The following VARS2 variants were observed in gnomAD, a reference collection of about 807,000 sequenced individuals.
The protein encoded by VARS2 is valyl-tRNA synthetase 2, mitochondrial.
A neutral mutation model predicts 154.1 loss-of-function variants in VARS2; 105 were observed. That is an observed-to-expected ratio of 0.68 (90% CI 0.58 to 0.80). VARS2 has a LOEUF of 0.80. Ranked by LOEUF, VARS2 falls within the 30% of genes least tolerant of loss-of-function variation. The probability of loss-of-function intolerance (pLI) is 0.00; values close to 1 mark genes in which losing one functional copy is unlikely to be tolerated. For synonymous variants in VARS2, 483 were observed against 539.5 expected (o/e 0.90, Z 1.45); for missense variants, 1,157 against 1,361.4 (o/e 0.85, Z 2.36).
rs373131532 is a variant in VARS2, at chr6:30,916,854, T to C, written c.672-24T>C. On this transcript the variant is annotated intron_variant, in intron 7 of 29. Transcript: ENST00000676266. This position sits in a 1 kb window ranked among gnomAD's most constrained non-coding sequence, Gnocchi z 4.0. ...TAGGAAGTGCTTGGGAAGTGTTTGCTGACAAGGATCTCTCTGGGCACAGGA... is the reference window on the plus strand; with the variant it reads ...TAGGAAGTGCTTGGGAAGTGTTTGCCGACAAGGATCTCTCTGGGCACAGGA... The C allele has an allele frequency of 3.7e-5, 59 of 1,613,666 alleles. No individual in the cohort carries two copies. The highest frequency in any genetic ancestry group is 4.6e-5 in the Non-Finnish European group (54 of 1,179,702).
At chr6:30,918,631 C>A in intron 10 of VARS2, 196 bp from the exon 11 acceptor site, 2 of 708,330 alleles carry the variant, frequency 2.8e-6, no homozygotes, top group Non-Finnish European at 4.6e-6. Flanking sequence ...CCTCTCAGAC[C>A]TCTGGTCATC....
chr6:30,919,947 T>C lies in VARS2; in HGVS notation c.1165+99T>C. On this transcript the variant is annotated intron_variant, in intron 12 of 29. Coordinates refer to ENST00000676266, the MANE Select transcript of VARS2 (RefSeq NM_020442.6). The surrounding 1 kb of genome is among the most constrained non-coding windows in gnomAD (Gnocchi z 4.5). Reference sequence around the variant, plus strand: ...AAGGTGGGAGTGGGAGATCCTCATATAGGGTGGTCTGAGTGGGGAATGGGA... The same window carrying C: ...AAGGTGGGAGTGGGAGATCCTCATACAGGGTGGTCTGAGTGGGGAATGGGA... 6 of 1,470,738 alleles carry C rather than the reference T, an allele frequency of 4.1e-6. No individual in the cohort carries two copies. Among genetic ancestry groups the C allele is most frequent in the Non-Finnish European group, 4.6e-6 (5 of 1,098,084 alleles). The allele number at this position is 1,470,738 out of a possible 1,614,324, so 91.1% of individuals were successfully genotyped here. A position where few individuals can be genotyped will look rare whatever the true frequency, so the allele number is the denominator to read the frequency against.
chr6:30,915,953 G>A (rs1794136010), intron 5 of VARS2, 28 bp from the exon 6 acceptor site: 1 of 1,613,990 alleles, frequency 6.2e-7, no homozygotes, highest in Non-Finnish European at 8.5e-7. Flanking sequence ...TAAGCTCAGG[G>A]GCTCACAGGA....
At position 30,920,221 on chromosome 6, in the gene VARS2, TACC is replaced by T; in HGVS notation, c.1293+9_1293+11del. Reference sequence around the variant, plus strand: ...CTCTGCGGGGACTGGCTGCAGGTGGTACCACCCTATGTTACCCCATCCTTTGGG... The same window carrying T: ...CTCTGCGGGGACTGGCTGCAGGTGGTACCCTATGTTACCCCATCCTTTGGG... On this transcript the variant is annotated splice_donor_region_variant and intron_variant, in intron 13 of 29. Coordinates refer to ENST00000676266, the MANE Select transcript of VARS2 (RefSeq NM_020442.6). This position sits in a 1 kb window ranked among gnomAD's most constrained non-coding sequence, Gnocchi z 4.6. 1 of 1,565,852 alleles carries T rather than the reference TACC, an allele frequency of 6.4e-7. No individual in the cohort carries two copies. The highest frequency in any genetic ancestry group is 8.7e-7 in the Non-Finnish European group (1 of 1,155,180).
Position 30,922,118 on chromosome 6 carries a change from C to A in VARS2, c.1809C>A (p.Thr603=), listed in dbSNP as rs760811017. 2 of 1,612,642 alleles carry A rather than the reference C, an allele frequency of 1.2e-6. No individual in the cohort carries two copies. Among genetic ancestry groups the A allele is most frequent in the African/African-American group, 1.3e-5 (1 of 74,846 alleles). Residue 603 remains threonine, a splice_region_variant and synonymous_variant, in exon 20 of 30, where the codon ACC becomes ACA. Coordinates refer to ENST00000676266, the MANE Select transcript of VARS2 (RefSeq NM_020442.6). ...PFSALGWPQE[T]PDLARFYPLS... is the part of the protein sequence containing the mutation. ...CTTACTGCTCCTCTTCCCCCTAGAC[C>A]CCAGACCTTGCTCGTTTCTACCCCC... is the stretch of plus-strand genomic sequence containing the variant.
Position 30,916,497 on chromosome 6 carries a change from T to TATATATATA in VARS2, c.671+248_671+249insATATATATA. The TATATATATA allele has an allele frequency of 3.1e-6, 1 of 318,700 alleles. No individual in the cohort carries two copies. Among genetic ancestry groups the TATATATATA allele is most frequent in the Non-Finnish European group, 5.5e-6 (1 of 182,352 alleles). The allele number at this position is 318,700 out of a possible 1,614,324, so 19.7% of individuals were successfully genotyped here. ...GTGTGTATTTATATATATATATATA[T>TATATATATA]TTTCTTTCTCTTTACTTACCCCAAT... is the stretch of plus-strand genomic sequence containing the variant. On this transcript the variant is annotated intron_variant, in intron 7 of 29. Coordinates refer to ENST00000676266, the MANE Select transcript of VARS2 (RefSeq NM_020442.6). The surrounding 1 kb of genome is among the most constrained non-coding windows in gnomAD (Gnocchi z 4.0).
At chr6:30,915,282 GC>G in intron 3 of VARS2, 45 bp downstream of exon 3, 1 of 1,611,912 alleles carries the variant, frequency 6.2e-7, no homozygotes. Flanking sequence ...CATATGTGTT[GC>G]CCATTTGGCC....
At chr6:30,915,576 T>G (rs2150549383) in intron 4 of VARS2, 121 bp downstream of exon 4, 1 of 1,435,412 alleles carries the variant, frequency 7.0e-7, no homozygotes, top group African/African-American at 1.4e-5. Flanking sequence ...CTCTGGTGTC[T>G]CCAAAGATTT....
chr6:30,915,152 T>C lies in VARS2; in HGVS notation c.202-4T>C, dbSNP rs1437099432. On this transcript the variant is annotated splice_region_variant and splice_polypyrimidine_tract_variant and intron_variant, in intron 2 of 29. Coordinates refer to ENST00000676266, the MANE Select transcript of VARS2 (RefSeq NM_020442.6). ...TCCCAGCCTCTTCTGCTTTCTCTTC[T>C]CAGTCACCTGCAGAATCCATTAAGG... is the stretch of plus-strand genomic sequence containing the variant. The C allele has an allele frequency of 1.2e-5, 19 of 1,614,090 alleles. No individual in the cohort carries two copies. The highest frequency in any genetic ancestry group is 2.7e-5 in the African/African-American group (2 of 75,048).
chr6:30,924,491 G>GC lies in VARS2; in HGVS notation c.2610dup (p.Arg871GlnfsTer108), dbSNP rs1794722737. ...TGGCTGAAGAGCTCTGGCAGAGGCT[G>GC]CCCCCCAGGCCTGGTTGCCCCCCTG... On this transcript the variant is annotated frameshift_variant, in exon 26 of 30. Transcript: ENST00000676266. LOFTEE classifies it high-confidence loss of function. The GC allele has an allele frequency of 3.7e-6, 6 of 1,605,560 alleles. No individual in the cohort carries two copies. The highest frequency in any genetic ancestry group is 4.3e-6 in the Non-Finnish European group (5 of 1,174,638).
In VARS2 at chr6:30,916,579, A is replaced by C; in HGVS notation, c.672-299A>C. On this transcript the variant is annotated intron_variant, in intron 7 of 29. Coordinates refer to ENST00000676266, the MANE Select transcript of VARS2 (RefSeq NM_020442.6). This position sits in a 1 kb window ranked among gnomAD's most constrained non-coding sequence, Gnocchi z 4.0. ...CGCCCATTCCCACCTTTCAATTCCC[A>C]TGGAATTACCCTCATTCTTCTGGGT... The C allele has an allele frequency of 2.3e-6, 1 of 437,454 alleles. No homozygotes were observed. Among genetic ancestry groups the C allele is most frequent in the Non-Finnish European group, 4.0e-6 (1 of 250,838 alleles). 27.1% of individuals were successfully genotyped at this position (437,454 alleles called of 1,614,324 possible).
rs778954700 is a variant in VARS2, at chr6:30,916,845, A to G, written c.672-33A>G. On this transcript the variant is annotated intron_variant, in intron 7 of 29. Coordinates refer to ENST00000676266, the MANE Select transcript of VARS2 (RefSeq NM_020442.6). This position sits in a 1 kb window ranked among gnomAD's most constrained non-coding sequence, Gnocchi z 4.0. ...CCTGGTACATAGGAAGTGCTTGGGA[A>G]GTGTTTGCTGACAAGGATCTCTCTG... 1.2e-6 allele frequency: 2 copies of G among 1,612,360 alleles called. No individual in the cohort carries two copies. The highest frequency in any genetic ancestry group is 1.7e-6 in the Non-Finnish European group (2 of 1,178,452).
intron 10 of VARS2, among the ~76,000 whole-genome samples, chr6:30,918,062 T>TTTTGTTTG (rs147192830): frequency 6.6e-6 from 1 of 151,544 alleles, no homozygotes; most frequent in Non-Finnish European, 1.5e-5. Flanking sequence ...GTATGTTTTG[T>TTTTGTTTG]TTTGTTTGTT....
At chr6:30,923,302 A>G in intron 24 of VARS2, 51 bp from the exon 25 acceptor site, 8 of 1,606,538 alleles carry the variant, frequency 5.0e-6, no homozygotes, top group Non-Finnish European at 6.8e-6. Context: ...ATCTGGAAGG[A>G]AAGGAGGCAG....
At position 30,917,680 on chromosome 6, in the gene VARS2, T is replaced by A; in HGVS notation, c.874-15T>A. 3 of 1,546,758 alleles carry A rather than the reference T, an allele frequency of 1.9e-6. No individual in the cohort carries two copies. Among genetic ancestry groups the A allele is most frequent in the Non-Finnish European group, 2.6e-6 (3 of 1,146,728 alleles). On this transcript the variant is annotated splice_polypyrimidine_tract_variant and intron_variant, in intron 9 of 29. Transcript: ENST00000676266. This position sits in a 1 kb window ranked among gnomAD's most constrained non-coding sequence, Gnocchi z 4.4. ...GAAAGGCTGCCCTCTGACCCAGCTTTCTCGGTGCCTCCAGGTGGAGAACCG... is the reference window on the plus strand; with the variant it reads ...GAAAGGCTGCCCTCTGACCCAGCTTACTCGGTGCCTCCAGGTGGAGAACCG...
chr6:30,919,283 C>A lies in VARS2; in HGVS notation c.1074+368C>A. ...GTGGCACCATGCCCGGCACGTGCCA[C>A]CACACCCAGCTAATTTTTTGTATTT... On this transcript the variant is annotated intron_variant, in intron 11 of 29. Transcript: ENST00000676266. This position sits in a 1 kb window ranked among gnomAD's most constrained non-coding sequence, Gnocchi z 4.5. 1 of 208,166 alleles carries A rather than the reference C, an allele frequency of 4.8e-6. No individual in the cohort carries two copies. The highest frequency in any genetic ancestry group is 1.0e-4 in the East Asian group (1 of 9,666). The allele number at this position is 208,166 out of a possible 1,614,324, so 12.9% of individuals were successfully genotyped here. A position where few individuals can be genotyped will look rare whatever the true frequency, so the allele number is the denominator to read the frequency against.
At position 30,921,712 on chromosome 6, in the gene VARS2, G is replaced by A. The variant is rs117561639; in HGVS notation, c.1735+21G>A. On this transcript the variant is annotated intron_variant, in intron 18 of 29. Transcript: ENST00000676266. The surrounding 1 kb of genome is among the most constrained non-coding windows in gnomAD (Gnocchi z 4.6). ...GAGGGGTGAGTGCCTGAGCTGGGGA[G>A]GGATGTACAGGGGAGCGGGGGCCTG... 36 of 1,586,708 alleles carry A rather than the reference G, an allele frequency of 2.3e-5. No individual in the cohort carries two copies. The East Asian group carries it at 7.7e-4, about 34-fold the overall frequency.
In VARS2 at chr6:30,922,180, T is replaced by G; in HGVS notation, c.1871T>G (p.Phe624Cys). ...GAAACGGGCAGCGACCTTCTGCTGTTCTGGGTGGGCCGCATGGTCATGTTG... is the reference window on the plus strand; with the variant it reads ...GAAACGGGCAGCGACCTTCTGCTGTGCTGGGTGGGCCGCATGGTCATGTTG... ...LLETGSDLLL[F>C]WVGRMVMLGT... Residue 624 changes from phenylalanine to cysteine, a missense_variant, in exon 20 of 30, where the codon TTC (phenylalanine) becomes TGC (cysteine). Phe to Cys is a radical substitution (Grantham distance 205, BLOSUM62 -2). Transcript: ENST00000676266. 1 of 1,612,860 alleles carries G rather than the reference T, an allele frequency of 6.2e-7. No individual in the cohort carries two copies. Among genetic ancestry groups the G allele is most frequent in the South Asian group, 1.1e-5 (1 of 91,068 alleles).
chr6:30,921,681 C>T lies in VARS2; in HGVS notation c.1725C>T (p.Thr575=), dbSNP rs760271935. 2 of 1,604,300 alleles carry T rather than the reference C, an allele frequency of 1.2e-6. No individual in the cohort carries two copies. Among genetic ancestry groups the T allele is most frequent in the Admixed American group, 1.7e-5 (1 of 58,338 alleles). ...ELTGRPGAEL[T]LERDPDVLDT... Reference sequence around the variant, plus strand: ...CAGGGAGGCCAGGGGCAGAGCTGACCCTGGAGAGGGGTGAGTGCCTGAGCT... The same window carrying T: ...CAGGGAGGCCAGGGGCAGAGCTGACTCTGGAGAGGGGTGAGTGCCTGAGCT... The change falls in exon 18 of 30, where the codon ACC becomes ACT. Residue 575 remains threonine, a synonymous_variant. Transcript: ENST00000676266. The surrounding 1 kb of genome is among the most constrained non-coding windows in gnomAD (Gnocchi z 4.6).
Sources: allele counts gnomAD v4.1 joint callset (sites outside exome capture counted in the v4.1 genomes callset), GRCh38; gene constraint gnomAD v4.1.1; non-coding constraint Gnocchi (gnomAD v3.1); transcripts MANE v1.5; gene names NCBI Gene and HGNC (gene_info 2026-07-23, HGNC 2026-07-21).